Variants in ELP3 observed in about 807,000 individuals in gnomAD.
ELP3 encodes elongator complex protein 3.
ELP3 carries 56 observed loss-of-function variants against 74.9 expected under a neutral mutation model. That is an observed-to-expected ratio of 0.75 (90% CI 0.60 to 0.93). The LOEUF (loss-of-function observed/expected upper bound fraction) is 0.93. Ranked by LOEUF, ELP3 falls within the 40% of genes least tolerant of loss-of-function variation. The pLI is 0.00. For synonymous variants in ELP3, 222 were observed against 239.8 expected, an observed-to-expected ratio of 0.93 and a Z score of 0.68; for missense variants, 573 against 686.5, an observed-to-expected ratio of 0.83 and a Z score of 1.85.
At chr8:28,144,464 T>G (rs1813356907) in intron 10 of ELP3, among the ~76,000 whole-genome samples, 1 of 151,874 alleles carries the variant, frequency 6.6e-6, no homozygotes, top group African/African-American at 2.4e-5. Flanking sequence ...TAAAAACATT[T>G]TAAAAATTAG....
intron 7 of ELP3, among the ~76,000 whole-genome samples, chr8:28,128,293 G>A (rs1012129315): frequency 6.6e-6 from 1 of 152,100 alleles, no homozygotes; most frequent in Non-Finnish European, 1.5e-5. Flanking sequence ...GGCCAACAAA[G>A]TGAAACCCCG....
chr8:28,154,926 C>G (rs1322829124), intron 10 of ELP3, among the ~76,000 whole-genome samples: 1 of 152,164 alleles, frequency 6.6e-6, no homozygotes. Context: ...TGGCAACTCT[C>G]CTGGCTTCCA....
intron 10 of ELP3, among the ~76,000 whole-genome samples, chr8:28,144,159 C>T (rs1038965654): frequency 6.6e-6 from 1 of 152,114 alleles, no homozygotes; most frequent in African/African-American, 2.4e-5. Context: ...AGAAAAAGTT[C>T]ATAAATGTTG....
At chr8:28,163,233 A>G (rs961204053) in intron 14 of ELP3, among the ~76,000 whole-genome samples, 3 of 152,206 alleles carry the variant, frequency 2.0e-5, no homozygotes, top group African/African-American at 4.8e-5. Flanking sequence ...AGAAGCTAAC[A>G]GGGTGAGAGC....
At chr8:28,143,262 T>C (rs1246944505) in intron 10 of ELP3, among the ~76,000 whole-genome samples, 1 of 152,210 alleles carries the variant, frequency 6.6e-6, no homozygotes, top group Non-Finnish European at 1.5e-5. Context: ...TCTCATACAC[T>C]TCTTTTTTGA....
At chr8:28,092,704 T>C (rs1248449869), upstream of ELP3, 1 of 196,602 alleles carries the variant, frequency 5.1e-6, no homozygotes, top group Non-Finnish European at 1.1e-5. Flanking sequence ...TCTTACTCGA[T>C]TCCCGCCTGG....
At chr8:28,184,549 A>G (rs763194921) in intron 14 of ELP3, among the ~76,000 whole-genome samples, 1 of 152,164 alleles carries the variant, frequency 6.6e-6, no homozygotes, top group Admixed American at 6.5e-5. Flanking sequence ...TTTAACCAGC[A>G]TGCTTAAGAA....
upstream of ELP3, among the ~76,000 whole-genome samples, chr8:28,090,807 T>G (rs1303928527): frequency 6.6e-6 from 1 of 152,116 alleles, no homozygotes; most frequent in Non-Finnish European, 1.5e-5. Flanking sequence ...GAAAGGAATG[T>G]CTGGGTTAAG....
chr8:28,118,189 T>G (rs2130419193), intron 7 of ELP3, among the ~76,000 whole-genome samples: 1 of 152,344 alleles, frequency 6.6e-6, no homozygotes, highest in East Asian at 1.9e-4. Context: ...TTAAAAATGA[T>G]GTATTGTGAC....
intron 7 of ELP3, among the ~76,000 whole-genome samples, chr8:28,122,156 A>G (rs1194605377): frequency 2.0e-5 from 3 of 152,172 alleles, no homozygotes; most frequent in Non-Finnish European, 4.4e-5. Flanking sequence ...AAACCCTATT[A>G]TATCATCATC....
In ELP3 at chr8:28,146,435, T is replaced by G. The variant is rs572537108; in HGVS notation, c.1100+8544T>G. On this transcript the variant is annotated intron_variant, in intron 10 of 14. Transcript: ENST00000256398. ...CTTGAAAGGTTTCTGATGAGCAAATTGCAAATATCAGCACCTCTAAGCTTG... is the reference window on the plus strand; with the variant it reads ...CTTGAAAGGTTTCTGATGAGCAAATGGCAAATATCAGCACCTCTAAGCTTG... Among the ~76,000 whole-genome samples, 3 of 152,344 alleles carry G rather than the reference T, an allele frequency of 2.0e-5. No individual in the cohort carries two copies. The East Asian group carries it at 5.8e-4, about 29-fold the overall frequency.
chr8:28,170,080 G>T (rs147642176), intron 14 of ELP3, among the ~76,000 whole-genome samples: 15 of 152,314 alleles, frequency 9.8e-5, no homozygotes, highest in Middle Eastern at 3.4e-3. Flanking sequence ...AGACAAGTCT[G>T]TGAATACCCT....
intron 6 of ELP3, chr8:28,112,577 AT>A: frequency 6.6e-6 from 1 of 152,488 alleles, no homozygotes; most frequent in South Asian, 2.1e-4. Flanking sequence ...ATTACATCAA[AT>A]CCTTATTATG....
At chr8:28,104,992 C>T (rs1811630228) in intron 3 of ELP3, among the ~76,000 whole-genome samples, 1 of 152,160 alleles carries the variant, frequency 6.6e-6, no homozygotes, top group South Asian at 2.1e-4. Context: ...TTATTGTGGA[C>T]TTGACCAGTG....
intron 3 of ELP3, among the ~76,000 whole-genome samples, chr8:28,104,489 A>G (rs1175902601): frequency 6.6e-6 from 1 of 152,232 alleles, no homozygotes; most frequent in African/African-American, 2.4e-5. Context: ...CATCCCACAG[A>G]ACCTAGTTCA....
intron 11 of ELP3, among the ~76,000 whole-genome samples, chr8:28,158,095 G>A (rs1235309753): frequency 7.0e-6 from 1 of 142,886 alleles, no homozygotes; most frequent in Admixed American, 7.1e-5. Flanking sequence ...GTAATTTTTG[G>A]ATATTCCTAA....
chr8:28,124,876 T>C (rs73557306), intron 7 of ELP3, among the ~76,000 whole-genome samples: 36 of 152,318 alleles, frequency 2.4e-4, no homozygotes, highest in African/African-American at 8.4e-4. Context: ...CGTTACTTCA[T>C]TTTGTGTTGG....
In ELP3 at chr8:28,109,843, T is replaced by C. The variant is rs540833316; in HGVS notation, c.394-527T>C. On this transcript the variant is annotated intron_variant, in intron 5 of 14. Transcript: ENST00000256398. ...ATTTTTGGATTAGGGATGCTCAACC[T>C]GGACGTATTCTTTATTTGACTGATT... 7.2e-5 allele frequency among the ~76,000 whole-genome samples: 11 copies of C among 152,360 alleles called. No homozygotes were observed. The East Asian group carries it at 2.1e-3, about 29-fold the overall frequency.
intron 3 of ELP3, among the ~76,000 whole-genome samples, chr8:28,101,994 C>G (rs1327962280): frequency 6.6e-6 from 1 of 152,180 alleles, no homozygotes; most frequent in Non-Finnish European, 1.5e-5. Context: ...TGATACCACC[C>G]TCTCTGTTTC....
Sources: allele counts gnomAD v4.1 joint callset (sites outside exome capture counted in the v4.1 genomes callset), GRCh38; gene constraint gnomAD v4.1.1; transcripts MANE v1.5; gene names NCBI Gene and HGNC (gene_info 2026-07-23, HGNC 2026-07-21).